The following LIN9 variants were observed in gnomAD, a reference collection of about 807,000 sequenced individuals.
LIN9 encodes lin-9 DREAM MuvB core complex component, also known as protein lin-9 homolog.
In LIN9, 18 loss-of-function variants were observed where a neutral mutation model predicts 78.0. The observed-to-expected ratio is 0.23, with a 90% confidence interval of 0.16 to 0.34. LIN9 has a LOEUF of 0.34. Among genes scored for constraint, LIN9 ranks in the 10% least tolerant of loss-of-function variants. The probability of loss-of-function intolerance (pLI) is 1.00; values close to 1 mark genes in which losing one functional copy is unlikely to be tolerated. For missense variants in LIN9, 451 were observed against 644.1 expected, an observed-to-expected ratio of 0.70 and a Z score of 3.25; for synonymous variants, 192 against 215.2, an observed-to-expected ratio of 0.89 and a Z score of 0.94.
At chr1:226,278,259 T>C (rs2102945473) in intron 6 of LIN9, among the ~76,000 whole-genome samples, 1 of 152,056 alleles carries the variant, frequency 6.6e-6, no homozygotes, top group East Asian at 1.9e-4. Context: ...CCAAACCACG[T>C]CTCTACTAAA....
intron 1 of LIN9, among the ~76,000 whole-genome samples, chr1:226,303,598 GTTTTCT>G (rs1456421080): frequency 6.6e-6 from 1 of 151,628 alleles, no homozygotes; most frequent in African/African-American, 2.4e-5. Flanking sequence ...TTTCTTTTTC[GTTTTCT>G]TTTTTCTTTT....
At chr1:226,284,257 T>C (rs997588848) in intron 6 of LIN9, among the ~76,000 whole-genome samples, 2 of 152,174 alleles carry the variant, frequency 1.3e-5, no homozygotes, top group Non-Finnish European at 2.9e-5. Flanking sequence ...CTTTTCTTTT[T>C]CATTCATTTT....
At chr1:226,301,763 A>C (rs532205286) in intron 1 of LIN9, among the ~76,000 whole-genome samples, 2 of 152,338 alleles carry the variant, frequency 1.3e-5, no homozygotes, top group South Asian at 4.1e-4. Context: ...CACTGGATAA[A>C]ACAAACTCCA....
At chr1:226,295,477 T>G (rs1662088580) in intron 4 of LIN9, among the ~76,000 whole-genome samples, 1 of 151,252 alleles carries the variant, frequency 6.6e-6, no homozygotes, top group African/African-American at 2.4e-5. Flanking sequence ...TAAACATATA[T>G]ATATATATTT....
chr1:226,235,738 T>C (rs896958258), intron 12 of LIN9, among the ~76,000 whole-genome samples: 2 of 152,230 alleles, frequency 1.3e-5, no homozygotes, highest in South Asian at 2.1e-4. Flanking sequence ...CTTTGAAATA[T>C]AGTTAGGTTC....
At chr1:226,252,641 T>C (rs998425369) in intron 10 of LIN9, among the ~76,000 whole-genome samples, 2 of 152,138 alleles carry the variant, frequency 1.3e-5, no homozygotes, top group Admixed American at 6.5e-5. Context: ...TAAATTTTTA[T>C]AGATGTAATG....
intron 1 of LIN9, 93 bp downstream of exon 1, chr1:226,309,016 C>T: frequency 8.1e-7 from 1 of 1,240,446 alleles, no homozygotes; most frequent in Non-Finnish European, 1.0e-6. Flanking sequence ...GCCCACCTGC[C>T]CAGCGGAGGG....
chr1:226,233,201 GA>G lies in LIN9; in HGVS notation c.1426-9del. The G allele has an allele frequency of 6.3e-7, 1 of 1,586,234 alleles. No homozygotes were observed. The highest frequency in any genetic ancestry group is 1.7e-4 in the Middle Eastern group (1 of 5,914). ...TCCTCCTTCTGCTAGACACTAAAGG[GA>G]AAAAAATTTCAAAATTTAATTGCAT... On this transcript the variant is annotated splice_polypyrimidine_tract_variant and intron_variant, in intron 13 of 14. Transcript: ENST00000681046.
chr1:226,278,850 G>T (rs1278408962), intron 6 of LIN9, among the ~76,000 whole-genome samples: 1 of 150,704 alleles, frequency 6.6e-6, no homozygotes, highest in Non-Finnish European at 1.5e-5. Context: ...GGCCGGGCGC[G>T]GTGGCTCACG....
chr1:226,305,112 G>C (rs890143333), intron 1 of LIN9, among the ~76,000 whole-genome samples: 1 of 151,796 alleles, frequency 6.6e-6, no homozygotes, highest in Non-Finnish European at 1.5e-5. Context: ...GGAGGTTGCA[G>C]TGAGCAAAGA....
At position 226,257,138 on chromosome 1, in the gene LIN9, C is replaced by T. The variant is rs1447078014; in HGVS notation, c.1039-6219G>A. Among the ~76,000 whole-genome samples, 5 of 151,776 alleles carry T rather than the reference C, an allele frequency of 3.3e-5. No individual in the cohort carries two copies. The South Asian group carries it at 6.2e-4, about 19-fold the overall frequency. ...CTAATTTTTGTATTTTTAGTAGAGA[C>T]GGGGTTTCACCATGTTGGCCAGGCT... On this transcript the variant is annotated intron_variant, in intron 10 of 14. Coordinates refer to ENST00000681046, the MANE Select transcript of LIN9 (RefSeq NM_001366245.2).
chr1:226,266,171 T>C (rs1659892366), intron 9 of LIN9, 42 bp downstream of exon 9: 1 of 1,387,964 alleles, frequency 7.2e-7, no homozygotes, highest in Non-Finnish European at 9.7e-7. Flanking sequence ...TTCACCTTCA[T>C]AAAAATCAAT....
At chr1:226,269,811 C>T (rs1443647510) in intron 7 of LIN9, among the ~76,000 whole-genome samples, 1 of 152,184 alleles carries the variant, frequency 6.6e-6, no homozygotes, top group Non-Finnish European at 1.5e-5. Flanking sequence ...GACTTGAAAA[C>T]TAGCAGCAAC....
At chr1:226,234,283 T>C (rs1009623741) in intron 12 of LIN9, among the ~76,000 whole-genome samples, 3 of 152,236 alleles carry the variant, frequency 2.0e-5, no homozygotes, top group African/African-American at 7.2e-5. Context: ...TCTATATCAA[T>C]TATTACTATG....
upstream of LIN9, chr1:226,309,258 C>G (rs749519695): frequency 4.7e-4 from 576 of 1,226,402 alleles, no homozygotes; most frequent in Non-Finnish European, 5.8e-4. Context: ...CCGCGCTGCG[C>G]TGCTCCCGCC....
intron 10 of LIN9, among the ~76,000 whole-genome samples, chr1:226,254,444 T>C (rs1194645985): frequency 6.6e-6 from 1 of 152,210 alleles, no homozygotes; most frequent in Non-Finnish European, 1.5e-5. Flanking sequence ...CTTAAGTATC[T>C]TAAAATAATA....
intron 11 of LIN9, 73 bp downstream of exon 11, chr1:226,250,766 T>C: frequency 1.3e-6 from 1 of 749,016 alleles, no homozygotes; most frequent in South Asian, 1.6e-5. Flanking sequence ...TATTTTTAAA[T>C]CATTAGATAT....
In LIN9 at chr1:226,266,282, C is replaced by A; in HGVS notation, c.867G>T (p.Gln289His). ...GGGTCATAAAAAATCGAGAAGGCCGCTGTTTTTGTCCAAAGGCAGCAATTG... is the reference window on the plus strand; with the variant it reads ...GGGTCATAAAAAATCGAGAAGGCCGATGTTTTTGTCCAAAGGCAGCAATTG... The part of the protein sequence containing the change: ...TMPIAAFGQK[Q>H]RPSRFFMTPP... The change falls in exon 9 of 15, where the codon CAG (glutamine) becomes CAT (histidine). Residue 289 changes from glutamine (Q) to histidine (H), a missense_variant. Coordinates refer to ENST00000681046, the MANE Select transcript of LIN9 (RefSeq NM_001366245.2). The A allele has an allele frequency of 3.7e-6, 6 of 1,601,752 alleles. No homozygotes were observed. Among genetic ancestry groups the A allele is most frequent in the Non-Finnish European group, 5.1e-6 (6 of 1,172,232 alleles).
At chr1:226,292,211 A>C (rs1372317065) in intron 4 of LIN9, among the ~76,000 whole-genome samples, 1 of 151,870 alleles carries the variant, frequency 6.6e-6, no homozygotes, top group Non-Finnish European at 1.5e-5. Flanking sequence ...CCCAGGCTGG[A>C]GTGTAGTGGC....
Sources: allele counts gnomAD v4.1 joint callset (sites outside exome capture counted in the v4.1 genomes callset), GRCh38; gene constraint gnomAD v4.1.1; transcripts MANE v1.5; gene names NCBI Gene and HGNC (gene_info 2026-07-23, HGNC 2026-07-21).